TACR1: variants seen among roughly 807,000 people sequenced by gnomAD.
TACR1 encodes the protein substance-P receptor.
A neutral mutation model predicts 35.8 loss-of-function variants in TACR1; 25 were observed. That is an observed-to-expected ratio of 0.70 (90% CI 0.51 to 0.98). The LOEUF (loss-of-function observed/expected upper bound fraction) is 0.98. TACR1 is among the 50% of genes least tolerant of loss of function. The pLI, the probability that TACR1 is intolerant of heterozygous loss-of-function variation, is 0.00. For missense variants in TACR1, 478 were observed against 522.9 expected (o/e 0.91, Z 0.84); for synonymous variants, 195 against 206.7 (o/e 0.94, Z 0.48).
chr2:75,053,141 G>A (rs1672500499), intron 3 of TACR1, among the ~76,000 whole-genome samples: 1 of 152,080 alleles, frequency 6.6e-6, no homozygotes. Context: ...CTCCATCACT[G>A]CAAAGAAACT....
At chr2:75,114,485 C>T (rs1673812490) in intron 2 of TACR1, among the ~76,000 whole-genome samples, 1 of 152,212 alleles carries the variant, frequency 6.6e-6, no homozygotes, top group South Asian at 2.1e-4. Flanking sequence ...GGGCATTGCC[C>T]TAGTACCTTC....
rs1300527030 is a variant in TACR1, at chr2:75,050,983, AGT to A, written c.932+266_932+267del. 8.7e-5 allele frequency: 42 copies of A among 480,802 alleles called. 1 individual carries two copies. Among genetic ancestry groups the A allele is most frequent in the Non-Finnish European group, 1.4e-4 (37 of 264,150 alleles). The allele number at this position is 480,802 out of a possible 1,614,324, so 29.8% of individuals were successfully genotyped here. A position where few individuals can be genotyped will look rare whatever the true frequency, so the allele number is the denominator to read the frequency against. On this transcript the variant is annotated intron_variant, in intron 4 of 4. Transcript: ENST00000305249. ...GTTTTTAATTCCCCCACTAGCTGCC[AGT>A]ATTTATGAATCAGAAGACTTTGGAC...
rs114200566 is a variant in TACR1, at chr2:75,197,517, C to T, written c.389+1029G>A. On this transcript the variant is annotated intron_variant, in intron 1 of 4. Coordinates refer to ENST00000305249, the MANE Select transcript of TACR1 (RefSeq NM_001058.4). ...TCACATCCCAGGTAAACATTTAACA[C>T]CTGTGCACACATAGACATACACATT... is the stretch of plus-strand genomic sequence containing the variant. 4.3e-3 allele frequency among the ~76,000 whole-genome samples: 660 copies of T among 152,262 alleles called. 3 individuals are homozygous for T. The highest frequency in any genetic ancestry group is 0.015 in the African/African-American group (634 of 41,530).
Position 75,049,324 on chromosome 2 carries a change from G to A in TACR1, c.*108C>T, listed in dbSNP as rs1326748632. The stretch of plus-strand genomic sequence containing the variant: ...TAACCCATACTGACCCTTTTTGCAA[G>A]TCCCAGTGTGAGGGTGTTTCTGATG... On this transcript the variant is annotated 3_prime_UTR_variant, in exon 5 of 5. Coordinates refer to ENST00000305249, the MANE Select transcript of TACR1 (RefSeq NM_001058.4). The A allele has an allele frequency of 1.6e-6, 2 of 1,272,886 alleles. No homozygotes were observed. The highest frequency in any genetic ancestry group is 2.2e-6 in the Non-Finnish European group (2 of 921,950). 78.8% of individuals were successfully genotyped at this position (1,272,886 alleles called of 1,614,324 possible).
rs866718777 is a variant in TACR1, at chr2:75,158,045, G to A, written c.390-37277C>T. Among the ~76,000 whole-genome samples, 4 of 152,328 alleles carry A rather than the reference G, an allele frequency of 2.6e-5. No individual in the cohort carries two copies. In the South Asian group the frequency reaches 8.3e-4, roughly 32 times the overall value. On this transcript the variant is annotated intron_variant, in intron 1 of 4. Coordinates refer to ENST00000305249, the MANE Select transcript of TACR1 (RefSeq NM_001058.4). ...GGTCTAAACCTTATTTTAAGACTGAGAAATGGAAACCTAGCTGTGTGAAGA... is the reference window on the plus strand; with the variant it reads ...GGTCTAAACCTTATTTTAAGACTGAAAAATGGAAACCTAGCTGTGTGAAGA...
chr2:75,072,070 T>C (rs902673645), intron 2 of TACR1, among the ~76,000 whole-genome samples: 7 of 152,106 alleles, frequency 4.6e-5, no homozygotes, highest in South Asian at 2.1e-4. Flanking sequence ...GGCCAGTGTT[T>C]AGTCTAGGGG....
intron 1 of TACR1, among the ~76,000 whole-genome samples, chr2:75,128,101 C>T (rs1443703983): frequency 6.6e-6 from 1 of 152,142 alleles, no homozygotes; most frequent in African/African-American, 2.4e-5. Flanking sequence ...TACCAAAGAG[C>T]CTTACACAAC....
chr2:75,070,154 C>T (rs1460098460), intron 2 of TACR1, among the ~76,000 whole-genome samples: 1 of 151,580 alleles, frequency 6.6e-6, no homozygotes, highest in African/African-American at 2.4e-5. Context: ...ATTTATTTTG[C>T]TCTAATTGCT....
chr2:75,107,557 G>A (rs1157430503), intron 2 of TACR1, among the ~76,000 whole-genome samples: 1 of 151,784 alleles, frequency 6.6e-6, no homozygotes, highest in Non-Finnish European at 1.5e-5. Flanking sequence ...AGAAAGGAAG[G>A]AAGAAAGGAA....
intron 2 of TACR1, among the ~76,000 whole-genome samples, chr2:75,106,095 G>A (rs1312180839): frequency 6.6e-6 from 1 of 152,002 alleles, no homozygotes; most frequent in Non-Finnish European, 1.5e-5. Flanking sequence ...GAAAAACTGA[G>A]TGTGGAGTAT....
Position 75,198,846 on chromosome 2 carries a change from C to G in TACR1, c.89G>C (p.Trp30Ser), listed in dbSNP as rs1041501890. The G allele has an allele frequency of 6.2e-7, 1 of 1,614,008 alleles. No individual in the cohort carries two copies. The highest frequency in any genetic ancestry group is 8.5e-7 in the Non-Finnish European group (1 of 1,180,036). Reference protein sequence around the residue: ...SEPNQFVQPAWQIVLWAAAYT... With the variant: ...SEPNQFVQPASQIVLWAAAYT... ...GGCAGCTGCCCAAAGGACAATTTGC[C>G]AGGCTGGTTGCACGAACTGATTGGG... The change falls in exon 1 of 5, where the codon TGG becomes TCG. Residue 30 changes from tryptophan (W) to serine (S), a missense_variant. Transcript: ENST00000305249.
chr2:75,131,035 A>G (rs1352843058), intron 1 of TACR1, among the ~76,000 whole-genome samples: 8 of 152,160 alleles, frequency 5.3e-5, no homozygotes, highest in Non-Finnish European at 1.0e-4. Context: ...ATTTTCTATC[A>G]GTGTCATCAG....
intron 1 of TACR1, chr2:75,156,404 A>T (rs1412860436): frequency 2.7e-5 from 4 of 149,340 alleles, no homozygotes; most frequent in African/African-American, 9.9e-5. Flanking sequence ...TCACAAGGTC[A>T]GGAGACCGAG....
intron 2 of TACR1, among the ~76,000 whole-genome samples, chr2:75,081,634 G>C (rs1279771003): frequency 6.6e-6 from 1 of 152,148 alleles, no homozygotes; most frequent in Non-Finnish European, 1.5e-5. Context: ...GCCAGGATGA[G>C]AGCTATGGGC....
intron 1 of TACR1, among the ~76,000 whole-genome samples, chr2:75,162,514 A>G (rs1675036025): frequency 6.6e-6 from 1 of 152,248 alleles, no homozygotes; most frequent in South Asian, 2.1e-4. Context: ...TGGGACTAGA[A>G]TAAAACATGC....
intron 2 of TACR1, among the ~76,000 whole-genome samples, chr2:75,072,814 T>G (rs970660669): frequency 6.6e-6 from 1 of 152,218 alleles, no homozygotes; most frequent in Non-Finnish European, 1.5e-5. Flanking sequence ...ACTTCAGGAC[T>G]TTTTTCCTCA....
intron 2 of TACR1, among the ~76,000 whole-genome samples, chr2:75,109,303 A>G (rs1333941472): frequency 6.6e-6 from 1 of 152,182 alleles, no homozygotes; most frequent in Non-Finnish European, 1.5e-5. Context: ...GGCTCTGAAT[A>G]TCCTCAGGCT....
rs549905882 is a variant in TACR1, at chr2:75,173,419, C to T, written c.389+25127G>A. On this transcript the variant is annotated intron_variant, in intron 1 of 4. Coordinates refer to ENST00000305249, the MANE Select transcript of TACR1 (RefSeq NM_001058.4). ...TTGAGCCTGCTTTACTGTAACTATACTATACCTCATCACTGCCAATTGTAT... is the reference window on the plus strand; with the variant it reads ...TTGAGCCTGCTTTACTGTAACTATATTATACCTCATCACTGCCAATTGTAT... Among the ~76,000 whole-genome samples the T allele has an allele frequency of 6.6e-5, 10 of 152,296 alleles. 1 individual carries two copies. The South Asian group carries it at 2.1e-3, about 32-fold the overall frequency.
chr2:75,146,071 A>G (rs557017686), intron 1 of TACR1, among the ~76,000 whole-genome samples: 2 of 152,316 alleles, frequency 1.3e-5, no homozygotes, highest in South Asian at 4.1e-4. Context: ...GAGGGGTGGT[A>G]TAAGACATAG....
Sources: gnomAD v4.1 joint callset for allele counts (sites outside exome capture counted in the v4.1 genomes callset) on GRCh38, gnomAD v4.1.1 for gene constraint, MANE v1.5 for transcripts, NCBI Gene and HGNC (gene_info 2026-07-23, HGNC 2026-07-21) for gene names.